PLEKHG7: variants seen among roughly 807,000 people sequenced by gnomAD.
PLEKHG7 encodes the protein pleckstrin homology domain-containing family G member 7.
PLEKHG7 carries 77 observed loss-of-function variants against 85.2 expected under a neutral mutation model. The ratio of observed to expected loss-of-function variants is 0.90; its 90% CI spans 0.75 to 1.09. The LOEUF (loss-of-function observed/expected upper bound fraction) is 1.09. PLEKHG7 is among the 50% of genes least tolerant of loss of function. The pLI is 0.00. For missense variants in PLEKHG7, 777 were observed against 804.3 expected (o/e 0.97, Z 0.41); for synonymous variants, 301 against 302.4 (o/e 1.00, Z 0.05).
At position 92,770,710 on chromosome 12, in the gene PLEKHG7, A is replaced by G. The variant is rs1207117622; in HGVS notation, c.*515A>G. 6.6e-6 allele frequency: 1 copy of G among 152,382 alleles called. No individual in the cohort carries two copies. Among genetic ancestry groups the G allele is most frequent in the African/African-American group, 2.4e-5 (1 of 41,468 alleles). 9.4% of individuals were successfully genotyped at this position (152,382 alleles called of 1,614,324 possible). On this transcript the variant is annotated 3_prime_UTR_variant, in exon 17 of 17. Coordinates refer to ENST00000344636, the MANE Select transcript of PLEKHG7 (RefSeq NM_001377329.1). ...GTTCTTTTAATATACAAAGCAATAA[A>G]TAGGGACTACATTTAAGTAGCAGTT...
chr12:92,723,968 A>C lies in PLEKHG7; in HGVS notation c.531-5025A>C, dbSNP rs149305893. Among the ~76,000 whole-genome samples the C allele has an allele frequency of 1.2e-3, 180 of 152,292 alleles. 1 individual carries two copies. Among genetic ancestry groups the C allele is most frequent in the African/African-American group, 3.8e-3 (157 of 41,586 alleles). ...GCTCACAATAGTCCATTTTTTTCCC[A>C]AAAATTCCCCTACATTACATTTCTC... On this transcript the variant is annotated intron_variant, in intron 3 of 16. Coordinates refer to ENST00000344636, the MANE Select transcript of PLEKHG7 (RefSeq NM_001377329.1).
At chr12:92,737,659 A>C in intron 7 of PLEKHG7, 138 bp downstream of exon 7, 1 of 868,520 alleles carries the variant, frequency 1.2e-6, no homozygotes, top group South Asian at 2.2e-5. Context: ...AGAGAAAGAA[A>C]GGAAGGAAGG....
chr12:92,737,410 T>A lies in PLEKHG7; in HGVS notation c.828T>A (p.His276Gln). The A allele has an allele frequency of 6.5e-7, 1 of 1,550,256 alleles. No homozygotes were observed. Among genetic ancestry groups the A allele is most frequent in the Non-Finnish European group, 8.6e-7 (1 of 1,157,852 alleles). The change falls in exon 7 of 17, where the codon CAT becomes CAA. Residue 276 changes from histidine (H) to glutamine (Q), a missense_variant. By Grantham distance (24) the His-to-Gln change is conservative (BLOSUM62 0). Coordinates refer to ENST00000344636, the MANE Select transcript of PLEKHG7 (RefSeq NM_001377329.1). Reference protein sequence around the residue: ...DKTWDEVLETHHKLPTDQLDL... With the variant: ...DKTWDEVLETQHKLPTDQLDL... ...CCTGGGATGAAGTCTTGGAAACACA[T>A]CACAAACTCCCGACCGATCAATTAG...
intron 3 of PLEKHG7, among the ~76,000 whole-genome samples, chr12:92,720,108 TAAAAA>T (rs1435928825): frequency 6.6e-6 from 1 of 152,186 alleles, no homozygotes; most frequent in Non-Finnish European, 1.5e-5. Flanking sequence ...CAGGTGACTT[TAAAAA>T]ACAGAAATTT....
chr12:92,772,236 A>G lies in PLEKHG7; in HGVS notation c.*2041A>G, dbSNP rs932667358. ...TCTGGGTATTAAATGCAGACACACA[A>G]TGAAATAAGGGGTTAATTACATATT... On this transcript the variant is annotated 3_prime_UTR_variant, in exon 17 of 17. Transcript: ENST00000344636. 3.3e-4 allele frequency: 50 copies of G among 152,072 alleles called. No individual in the cohort carries two copies. The highest frequency in any genetic ancestry group is 1.2e-3 in the African/African-American group (48 of 41,536). The allele number at this position is 152,072 out of a possible 1,614,324, so 9.4% of individuals were successfully genotyped here. A position where few individuals can be genotyped will look rare whatever the true frequency, so the allele number is the denominator to read the frequency against.
At position 92,740,807 on chromosome 12, in the gene PLEKHG7, A is replaced by G. The variant is rs561222204; in HGVS notation, c.940-46A>G. Reference sequence around the variant, plus strand: ...AAGTTCTTGCAAAAGGCATGTTGCAAAATTAAAAAACAGAAATTAATGTGT... The same window carrying G: ...AAGTTCTTGCAAAAGGCATGTTGCAGAATTAAAAAACAGAAATTAATGTGT... On this transcript the variant is annotated intron_variant, in intron 7 of 16. Transcript: ENST00000344636. The G allele has an allele frequency of 1.0e-5, 14 of 1,378,522 alleles. No homozygotes were observed. In the African/African-American group the frequency reaches 2.0e-4, roughly 20 times the overall value. The allele number at this position is 1,378,522 out of a possible 1,614,324, so 85.4% of individuals were successfully genotyped here.
intron 3 of PLEKHG7, among the ~76,000 whole-genome samples, chr12:92,727,072 T>A (rs949392043): frequency 6.6e-6 from 1 of 152,116 alleles, no homozygotes; most frequent in African/African-American, 2.4e-5. Context: ...GTCAAAACCA[T>A]AAACAGCAAG....
intron 7 of PLEKHG7, among the ~76,000 whole-genome samples, chr12:92,740,545 A>G (rs1197831366): frequency 3.9e-5 from 6 of 152,202 alleles, no homozygotes; most frequent in African/African-American, 1.4e-4. Context: ...GCAAGAAGAG[A>G]ATCTTTGGGA....
intron 9 of PLEKHG7, among the ~76,000 whole-genome samples, chr12:92,744,981 T>C (rs1014397230): frequency 6.6e-6 from 1 of 152,188 alleles, no homozygotes; most frequent in African/African-American, 2.4e-5. Flanking sequence ...TGTCCAAAAT[T>C]TCTACATGTT....
At chr12:92,745,314 A>G (rs2136610064) in intron 9 of PLEKHG7, among the ~76,000 whole-genome samples, 164 bp from the exon 10 acceptor site, 1 of 148,316 alleles carries the variant, frequency 6.7e-6, no homozygotes, top group South Asian at 2.1e-4. Flanking sequence ...TTATGTGGAG[A>G]TTACCTTTGT....
At chr12:92,734,767 A>G (rs968558877) in intron 5 of PLEKHG7, among the ~76,000 whole-genome samples, 1 of 152,158 alleles carries the variant, frequency 6.6e-6, no homozygotes, top group Non-Finnish European at 1.5e-5. Flanking sequence ...CTTAACCTTC[A>G]GTTTTGCTCC....
Position 92,761,840 on chromosome 12 carries a change from C to T in PLEKHG7, c.1716+9C>T. On this transcript the variant is annotated intron_variant, in intron 14 of 16. Coordinates refer to ENST00000344636, the MANE Select transcript of PLEKHG7 (RefSeq NM_001377329.1). ...CTAAGTGCAACAAAAAGGTAAAATG[C>T]TGCTATTTCAAAGTACGTTTCTAAA... is the stretch of plus-strand genomic sequence containing the variant. 1.3e-6 allele frequency: 2 copies of T among 1,564,824 alleles called. No homozygotes were observed. Among genetic ancestry groups the T allele is most frequent in the East Asian group, 2.4e-5 (1 of 41,424 alleles).
intron 3 of PLEKHG7, among the ~76,000 whole-genome samples, chr12:92,720,672 A>G (rs1215819735): frequency 6.6e-6 from 1 of 152,084 alleles, no homozygotes; most frequent in Non-Finnish European, 1.5e-5. Flanking sequence ...TTTAGGGCCC[A>G]CTCAGACAAT....
At chr12:92,744,253 G>T (rs1872453893) in intron 9 of PLEKHG7, among the ~76,000 whole-genome samples, 3 of 152,158 alleles carry the variant, frequency 2.0e-5, no homozygotes, top group Non-Finnish European at 4.4e-5. Flanking sequence ...TGCAGCCCAT[G>T]AGTTATTATA....
intron 5 of PLEKHG7, among the ~76,000 whole-genome samples, chr12:92,734,844 A>C (rs970929018): frequency 1.3e-5 from 2 of 152,020 alleles, no homozygotes; most frequent in African/African-American, 4.8e-5. Flanking sequence ...TAAGTTTGAG[A>C]CTCCAGAATT....
At chr12:92,762,385 G>T (rs1195200884) in intron 14 of PLEKHG7, among the ~76,000 whole-genome samples, 1 of 152,200 alleles carries the variant, frequency 6.6e-6, no homozygotes, top group Non-Finnish European at 1.5e-5. Context: ...TATAAAAAGT[G>T]TAGAAGCCAA....
rs1388142554 is a variant in PLEKHG7 at position 92,738,976 on chromosome 12, A to G, written c.939+1455A>G. On this transcript the variant is annotated intron_variant, in intron 7 of 16. Coordinates refer to ENST00000344636, the MANE Select transcript of PLEKHG7 (RefSeq NM_001377329.1). Reference sequence around the variant, plus strand: ...ACTAGCTTAAATAATACAGGATTTTATTAGTCCATGTGACTGCAAAGTTCA... The same window carrying G: ...ACTAGCTTAAATAATACAGGATTTTGTTAGTCCATGTGACTGCAAAGTTCA... Among the ~76,000 whole-genome samples, 3 of 152,210 alleles carry G rather than the reference A, an allele frequency of 2.0e-5. No individual in the cohort carries two copies. The East Asian group carries it at 5.8e-4, about 29-fold the overall frequency.
At chr12:92,740,759 T>A (rs924049130) in intron 7 of PLEKHG7, 94 bp from the exon 8 acceptor site, 11 of 768,670 alleles carry the variant, frequency 1.4e-5, no homozygotes, top group Admixed American at 2.3e-5. Context: ...TTTGTAAAGT[T>A]ACACCCAGGA....
chr12:92,707,268 G>C, intron 2 of PLEKHG7, 130 bp downstream of exon 2: 1 of 1,441,464 alleles, frequency 6.9e-7, no homozygotes, highest in Non-Finnish European at 9.1e-7. Context: ...CACACTGAGG[G>C]GACACATTCT....
Sources: allele counts gnomAD v4.1 joint callset (sites outside exome capture counted in the v4.1 genomes callset), GRCh38; gene constraint gnomAD v4.1.1; transcripts MANE v1.5; gene names NCBI Gene and HGNC (gene_info 2026-07-23, HGNC 2026-07-21).